CCDC88A: variants seen among roughly 807,000 people sequenced by gnomAD.
CCDC88A encodes the protein girdin.
Under a neutral mutation model 234.3 loss-of-function variants are expected in CCDC88A, and 54 were observed. That is an observed-to-expected ratio of 0.23 (90% CI 0.19 to 0.29). The LOEUF (loss-of-function observed/expected upper bound fraction) is 0.29. Among genes scored for constraint, CCDC88A ranks in the 10% least tolerant of loss-of-function variants. The probability of loss-of-function intolerance (pLI) is 1.00; values close to 1 mark genes in which losing one functional copy is unlikely to be tolerated. For missense variants in CCDC88A, 1,832 were observed against 2,123.4 expected, an observed-to-expected ratio of 0.86 and a Z score of 2.70; for synonymous variants, 753 against 737.8, an observed-to-expected ratio of 1.02 and a Z score of -0.33.
chr2:55,396,659 T>G (rs1331149866), intron 2 of CCDC88A, among the ~76,000 whole-genome samples: 2 of 151,922 alleles, frequency 1.3e-5, no homozygotes, highest in Non-Finnish European at 2.9e-5. Context: ...TCACGAGGTC[T>G]GGAGATCGAG....
chr2:55,389,287 T>G (rs1202446981), intron 2 of CCDC88A, among the ~76,000 whole-genome samples: 1 of 152,210 alleles, frequency 6.6e-6, no homozygotes, highest in Non-Finnish European at 1.5e-5. Flanking sequence ...GGGATTATAT[T>G]TGAACAGGCA....
At chr2:55,353,428 C>T (rs919214403) in intron 8 of CCDC88A, among the ~76,000 whole-genome samples, 1 of 151,958 alleles carries the variant, frequency 6.6e-6, no homozygotes, top group Non-Finnish European at 1.5e-5. Context: ...ATATCCTGGG[C>T]GTGTTCATTT....
chr2:55,417,690 C>T (rs2105013302), intron 2 of CCDC88A: 2 of 151,922 alleles, frequency 1.3e-5, no homozygotes, highest in African/African-American at 4.8e-5. Context: ...AAAAACAGCC[C>T]ACAAATCTCT....
chr2:55,315,741 T>C (rs1050572219), intron 22 of CCDC88A, among the ~76,000 whole-genome samples, 187 bp downstream of exon 22: 4 of 152,242 alleles, frequency 2.6e-5, no homozygotes, highest in Non-Finnish European at 5.9e-5. Flanking sequence ...GTTTTTAAAA[T>C]ATTGTAATTA....
At chr2:55,416,443 AATATATATATATATAT>A (rs60840841) in intron 2 of CCDC88A, among the ~76,000 whole-genome samples, 2 of 15,840 alleles carry the variant, frequency 1.3e-4, no homozygotes, top group South Asian at 3.1e-3. Context: ...TAAATAAATA[AATATATATATATATAT>A]ATATATATAT....
intron 12 of CCDC88A, among the ~76,000 whole-genome samples, chr2:55,342,855 T>G (rs1357305660): frequency 6.6e-6 from 1 of 152,142 alleles, no homozygotes; most frequent in Non-Finnish European, 1.5e-5. Flanking sequence ...TTTTACACAT[T>G]AGGTGCTTAG....
intron 29 of CCDC88A, among the ~76,000 whole-genome samples, chr2:55,298,115 G>A (rs770743608): frequency 6.6e-6 from 1 of 152,096 alleles, no homozygotes; most frequent in Non-Finnish European, 1.5e-5. Context: ...TCAAATCTAT[G>A]GTGTTCCTTA....
At chr2:55,359,489 T>C (rs1671004539) in intron 7 of CCDC88A, among the ~76,000 whole-genome samples, 1 of 151,938 alleles carries the variant, frequency 6.6e-6, no homozygotes, top group Admixed American at 6.6e-5. Context: ...AGGCTTCCTA[T>C]ACATTTTCAA....
chr2:55,333,535 C>T lies in CCDC88A; in HGVS notation c.2727+559G>A, dbSNP rs1324653668. Among the ~76,000 whole-genome samples the T allele has an allele frequency of 1.8e-4, 28 of 152,124 alleles. 1 individual carries two copies. The highest frequency in any genetic ancestry group is 1.8e-3 in the Admixed American group (28 of 15,256). The stretch of plus-strand genomic sequence containing the variant: ...AAAATCTGGATTTGAATCCAGTAAT[C>T]CAACTCTGCTATTTATTAGCTGTGT... On this transcript the variant is annotated intron_variant, in intron 15 of 32. Coordinates refer to ENST00000436346, the MANE Select transcript of CCDC88A (RefSeq NM_001365480.1).
At position 55,335,227 on chromosome 2, in the gene CCDC88A, T is replaced by G; in HGVS notation, c.1657-63A>C. ...GGAAAAACTAACTATGGTTTATCTC[T>G]TCCAAAAACTACCAAGAAAAGGGGA... On this transcript the variant is annotated intron_variant, in intron 14 of 32. Coordinates refer to ENST00000436346, the MANE Select transcript of CCDC88A (RefSeq NM_001365480.1). This position sits in a 1 kb window ranked among gnomAD's most constrained non-coding sequence, Gnocchi z 4.5. The G allele has an allele frequency of 3.8e-6, 4 of 1,039,148 alleles. No homozygotes were observed. The highest frequency in any genetic ancestry group is 5.4e-6 in the Non-Finnish European group (4 of 741,960). The allele number at this position is 1,039,148 out of a possible 1,614,324, so 64.4% of individuals were successfully genotyped here. A position where few individuals can be genotyped will look rare whatever the true frequency, so the allele number is the denominator to read the frequency against.
chr2:55,374,363 C>T (rs1673278964), intron 4 of CCDC88A, among the ~76,000 whole-genome samples: 1 of 151,826 alleles, frequency 6.6e-6, no homozygotes, highest in South Asian at 2.1e-4. Flanking sequence ...AGCGAAACTG[C>T]ATCTCTAAAT....
intron 2 of CCDC88A, among the ~76,000 whole-genome samples, chr2:55,409,174 C>T (rs950565338): frequency 1.3e-5 from 2 of 152,216 alleles, no homozygotes; most frequent in African/African-American, 4.8e-5. Context: ...TTTGTGATTT[C>T]CTCTTAGCAG....
At chr2:55,401,216 G>A (rs1678558106) in intron 2 of CCDC88A, among the ~76,000 whole-genome samples, 1 of 151,336 alleles carries the variant, frequency 6.6e-6, no homozygotes, top group African/African-American at 2.4e-5. Context: ...AATTGCTTCA[G>A]GCCAGGAGTT....
chr2:55,354,131 TA>T (rs1278252339), intron 8 of CCDC88A, among the ~76,000 whole-genome samples: 2 of 144,344 alleles, frequency 1.4e-5, no homozygotes, highest in Non-Finnish European at 3.0e-5. Context: ...GTATAAAAGA[TA>T]AAAAATGGTA....
intron 2 of CCDC88A, among the ~76,000 whole-genome samples, chr2:55,390,029 A>G (rs1676353659): frequency 7.1e-6 from 1 of 140,434 alleles, no homozygotes; most frequent in African/African-American, 2.7e-5. Flanking sequence ...CTACAGAGCG[A>G]GACTCAAAAA....
rs945500649 is a variant in CCDC88A at position 55,291,702 on chromosome 2, G to T, written c.*9C>A. On this transcript the variant is annotated 3_prime_UTR_variant, in exon 32 of 33. Coordinates refer to ENST00000436346, the MANE Select transcript of CCDC88A (RefSeq NM_001365480.1). ...ACTTGGCCCACATGTCATGTAGTGGGTAATAGAATTAGGAGCTTTGTTGCT... is the reference window on the plus strand; with the variant it reads ...ACTTGGCCCACATGTCATGTAGTGGTTAATAGAATTAGGAGCTTTGTTGCT... The T allele has an allele frequency of 6.9e-6, 11 of 1,587,626 alleles. No individual in the cohort carries two copies. In the African/African-American group the frequency reaches 1.3e-4, roughly 19 times the overall value.
In CCDC88A at chr2:55,301,272, T is replaced by C. The variant is rs1231949442; in HGVS notation, c.4678A>G (p.Thr1560Ala). The C allele has an allele frequency of 7.1e-6, 11 of 1,558,850 alleles. No individual in the cohort carries two copies. The highest frequency in any genetic ancestry group is 1.2e-5 in the South Asian group (1 of 85,874). Residue 1560 changes from threonine to alanine, a missense_variant, in exon 28 of 33, where the codon ACA becomes GCA. Physicochemically the swap from Thr to Ala is moderately conservative, Grantham distance 58. Around this residue, in one of 6 missense-constraint regions of CCDC88A, gnomAD observed 422 missense variants for 416.5 expected, o/e 1.01. Coordinates refer to ENST00000436346, the MANE Select transcript of CCDC88A (RefSeq NM_001365480.1). ...SKQLVNNKDT[T>A]SFEDISPQGV... Reference sequence around the variant, plus strand: ...TGTGGACTTATGTCTTCAAAGGATGTAGTATCTACATAAAATAGCAAAATG... The same window carrying C: ...TGTGGACTTATGTCTTCAAAGGATGCAGTATCTACATAAAATAGCAAAATG...
At chr2:55,321,316 G>A (rs912794749) in intron 18 of CCDC88A, among the ~76,000 whole-genome samples, 9 of 152,092 alleles carry the variant, frequency 5.9e-5, no homozygotes, top group African/African-American at 2.2e-4. Flanking sequence ...ACTTTGGGAT[G>A]CCAAGGTGGG....
At chr2:55,315,889 C>T (rs745493884) in intron 22 of CCDC88A, 39 bp downstream of exon 22, 1 of 1,198,672 alleles carries the variant, frequency 8.3e-7, no homozygotes, top group Non-Finnish European at 1.1e-6. Flanking sequence ...GTCTTGGTGC[C>T]TAAATGAAGG....
Sources: gnomAD v4.1 joint callset for allele counts (sites outside exome capture counted in the v4.1 genomes callset) on GRCh38, gnomAD v4.1.1 for gene constraint, gnomAD v4.1.1 regional missense constraint, Gnocchi (gnomAD v3.1) non-coding constraint, MANE v1.5 for transcripts, NCBI Gene and HGNC (gene_info 2026-07-23, HGNC 2026-07-21) for gene names.